The following TNN variants were observed in gnomAD, a reference collection of about 807,000 sequenced individuals.
The protein encoded by TNN is tenascin-N.
TNN carries 122 observed loss-of-function variants against 134.4 expected under a neutral mutation model. That is an observed-to-expected ratio of 0.91 (90% CI 0.78 to 1.06). TNN has a LOEUF of 1.06. TNN is among the 50% of genes least tolerant of loss of function. TNN has a pLI of 0.00. For synonymous variants in TNN, 710 were observed against 670.3 expected, an observed-to-expected ratio of 1.06 and a Z score of -0.91; for missense variants, 1,739 against 1,699.4, an observed-to-expected ratio of 1.02 and a Z score of -0.41.
chr1:175,140,418 C>T (rs1441982048), intron 17 of TNN, among the ~76,000 whole-genome samples: 1 of 152,210 alleles, frequency 6.6e-6, no homozygotes, highest in Non-Finnish European at 1.5e-5. Flanking sequence ...CAGTGCCCTC[C>T]CTGGCCTCCT....
At chr1:175,071,155 G>C (rs890645118) in intron 1 of TNN, among the ~76,000 whole-genome samples, 35 of 152,186 alleles carry the variant, frequency 2.3e-4, no homozygotes, top group Non-Finnish European at 4.4e-5. Flanking sequence ...TAACTGTCAA[G>C]GCAGGATGAG....
Position 175,117,078 on chromosome 1 carries a change from T to C in TNN, c.2259T>C (p.Val753=). The C allele has an allele frequency of 1.2e-6, 2 of 1,614,220 alleles. No homozygotes were observed. The highest frequency in any genetic ancestry group is 1.7e-6 in the Non-Finnish European group (2 of 1,180,038). The part of the protein sequence containing the change: ...TSAKDGETRE[V]PVGKEQSSTV... ...CCAAGGACGGAGAGACCAGGGAGGT[T>C]CCGGTGGGGAAGGAGCAGAGTAGCA... Residue 753 remains valine, a synonymous_variant, in exon 10 of 19, where the codon GTT becomes GTC. Transcript: ENST00000239462.
chr1:175,120,388 G>C (rs576359252), intron 11 of TNN, among the ~76,000 whole-genome samples: 1 of 152,194 alleles, frequency 6.6e-6, no homozygotes, highest in Non-Finnish European at 1.5e-5. Context: ...AGTAGTAATA[G>C]GATATACATA....
At chr1:175,074,819 T>C (rs16847785) in intron 1 of TNN, among the ~76,000 whole-genome samples, 2,287 of 152,308 alleles carry the variant, frequency 0.015, 183 homozygotes, top group Admixed American at 0.12. Context: ...CATAGGGACA[T>C]GTATCTAACT....
At chr1:175,135,290 T>G (rs1296789313) in intron 15 of TNN, among the ~76,000 whole-genome samples, 1 of 152,232 alleles carries the variant, frequency 6.6e-6, no homozygotes, top group African/African-American at 2.4e-5. Flanking sequence ...TCTGATTTAT[T>G]CACTTTGCAC....
intron 6 of TNN, among the ~76,000 whole-genome samples, chr1:175,085,904 G>A (rs1259936671): frequency 6.7e-6 from 1 of 148,450 alleles, no homozygotes; most frequent in African/African-American, 2.5e-5. Context: ...AGAGAATTCT[G>A]GGATTTACAT....
At chr1:175,073,938 A>G (rs773055760) in intron 1 of TNN, among the ~76,000 whole-genome samples, 4 of 152,136 alleles carry the variant, frequency 2.6e-5, no homozygotes, top group African/African-American at 7.2e-5. Context: ...CGGGCCCTGA[A>G]CTGCCCTCTT....
intron 1 of TNN, among the ~76,000 whole-genome samples, chr1:175,071,372 C>T (rs577261165): frequency 6.6e-5 from 10 of 152,300 alleles, no homozygotes; most frequent in Admixed American, 6.5e-4. Flanking sequence ...GGGCCATCCT[C>T]CTCCCTTGGC....
chr1:175,091,559 T>TATTTTTATTTA (rs1558353471), intron 6 of TNN, among the ~76,000 whole-genome samples: 116 of 141,714 alleles, frequency 8.2e-4, no homozygotes, highest in Middle Eastern at 3.6e-3. Flanking sequence ...TATTTATTAT[T>TATTTTTATTTA]TTTATTTATT....
In TNN at chr1:175,085,500, A is replaced by C; in HGVS notation, c.1324+6A>C. The C allele has an allele frequency of 6.3e-7, 1 of 1,588,030 alleles. No individual in the cohort carries two copies. Among genetic ancestry groups the C allele is most frequent in the South Asian group, 1.1e-5 (1 of 89,840 alleles). ...CCTCCTGAATGGCAGGACAGGTGAG[A>C]GCTACTTGGAGGCACTATGGGCATT... On this transcript the variant is annotated splice_donor_region_variant and intron_variant, in intron 6 of 18. Transcript: ENST00000239462.
At chr1:175,071,239 C>T (rs1673907414) in intron 1 of TNN, among the ~76,000 whole-genome samples, 1 of 152,204 alleles carries the variant, frequency 6.6e-6, no homozygotes, top group African/African-American at 2.4e-5. Flanking sequence ...TTGGCTACCT[C>T]TCTTCTTTGG....
At chr1:175,088,437 C>T (rs6425319) in intron 6 of TNN, among the ~76,000 whole-genome samples, 2 of 152,100 alleles carry the variant, frequency 1.3e-5, no homozygotes, top group South Asian at 4.2e-4. Flanking sequence ...CACACCTCCC[C>T]TCCTTCTTGC....
rs1450856793 is a variant in TNN at position 175,136,928 on chromosome 1, C to G, written c.3535C>G (p.Gln1179Glu). 6.2e-7 allele frequency: 1 copy of G among 1,614,054 alleles called. No homozygotes were observed. The highest frequency in any genetic ancestry group is 8.5e-7 in the Non-Finnish European group (1 of 1,180,032). Residue 1179 changes from glutamine (Q) to glutamate (E), a missense_variant, in exon 17 of 19, where the codon CAA becomes GAA. By Grantham distance (29) the Gln-to-Glu change is conservative (BLOSUM62 2). Coordinates refer to ENST00000239462, the MANE Select transcript of TNN (RefSeq NM_022093.2). ...TGCCTATGCTATATATGATTTCTTC[C>G]AAGTGGCCTCCAGCAAGGAGCGGTA... Reference protein sequence around the residue: ...ESAYAIYDFFQVASSKERYKL... With the variant: ...ESAYAIYDFFEVASSKERYKL...
intron 2 of TNN, 148 bp downstream of exon 2, chr1:175,077,975 A>C: frequency 1.3e-6 from 1 of 777,354 alleles, no homozygotes. Context: ...CATCCCTGCT[A>C]TTTATTCATT....
In TNN at chr1:175,080,200, G is replaced by A. The variant is rs747275638; in HGVS notation, c.822G>A (p.Thr274=). ...AGGGCCTGCAGCTGCTCAAGAACAC[G>A]GAGGATTCTCTGCTGGTGAGCTGGG... The part of the protein sequence containing the change: ...TPQGLQLLKN[T]EDSLLVSWEP... The change falls in exon 4 of 19, where the codon ACG becomes ACA. Residue 274 remains threonine, a synonymous_variant. Coordinates refer to ENST00000239462, the MANE Select transcript of TNN (RefSeq NM_022093.2). 9 of 1,613,940 alleles carry A rather than the reference G, an allele frequency of 5.6e-6. No homozygotes were observed. The highest frequency in any genetic ancestry group is 1.6e-4 in the Middle Eastern group (1 of 6,074).
chr1:175,136,811 T>A lies in TNN; in HGVS notation c.3428-10T>A, dbSNP rs780151784. On this transcript the variant is annotated splice_polypyrimidine_tract_variant and intron_variant, in intron 16 of 18. Transcript: ENST00000239462. ...TGATTGATTATTGGAATTCCGTTTT[T>A]TATTTTTAGGACTTGACAAGCTACA... The A allele has an allele frequency of 1.2e-6, 2 of 1,612,022 alleles. No homozygotes were observed. The highest frequency in any genetic ancestry group is 1.7e-6 in the Non-Finnish European group (2 of 1,178,660).
At chr1:175,109,348 A>G (rs1261079845) in intron 9 of TNN, among the ~76,000 whole-genome samples, 1 of 151,200 alleles carries the variant, frequency 6.6e-6, no homozygotes, top group African/African-American at 2.4e-5. Flanking sequence ...TCGGCCTCCC[A>G]AAGTGCTGGG....
chr1:175,115,571 G>A (rs1367490581), intron 9 of TNN, among the ~76,000 whole-genome samples: 1 of 152,158 alleles, frequency 6.6e-6, no homozygotes, highest in Non-Finnish European at 1.5e-5. Flanking sequence ...CAGGTCACTG[G>A]GTGGTGGTGT....
At chr1:175,121,577 G>A (rs1240345234) in intron 11 of TNN, among the ~76,000 whole-genome samples, 4 of 152,334 alleles carry the variant, frequency 2.6e-5, no homozygotes, top group East Asian at 1.9e-4. Context: ...GACAAGGATA[G>A]AAGTTGGGAG....
Sources: allele counts gnomAD v4.1 joint callset (sites outside exome capture counted in the v4.1 genomes callset), GRCh38; gene constraint gnomAD v4.1.1; transcripts MANE v1.5; gene names NCBI Gene and HGNC (gene_info 2026-07-23, HGNC 2026-07-21).